The following SUGCT variants were observed in gnomAD, a reference collection of about 807,000 sequenced individuals.
SUGCT encodes succinyl-CoA:glutarate-CoA transferase.
In SUGCT, 41 loss-of-function variants were observed where a neutral mutation model predicts 55.0. That is an observed-to-expected ratio of 0.74 (90% CI 0.58 to 0.97). The LOEUF (loss-of-function observed/expected upper bound fraction) is 0.97. SUGCT is among the 50% of genes least tolerant of loss of function. SUGCT has a pLI of 0.00. For missense variants in SUGCT, 568 were observed against 547.8 expected, an observed-to-expected ratio of 1.04 and a Z score of -0.37; for synonymous variants, 187 against 200.4, an observed-to-expected ratio of 0.93 and a Z score of 0.56.
At chr7:40,759,424 A>G (rs1027886942) in intron 13 of SUGCT, among the ~76,000 whole-genome samples, 2 of 152,224 alleles carry the variant, frequency 1.3e-5, no homozygotes, top group African/African-American at 4.8e-5. Context: ...TACTTTATAT[A>G]CACCATTTGT....
intron 11 of SUGCT, among the ~76,000 whole-genome samples, chr7:40,467,635 T>C (rs1266909260): frequency 6.6e-6 from 1 of 152,240 alleles, no homozygotes; most frequent in African/African-American, 2.4e-5. Context: ...AATTTCTATA[T>C]TAGTTTTAAA....
intron 12 of SUGCT, among the ~76,000 whole-genome samples, chr7:40,621,007 AT>A (rs1799241437): frequency 6.6e-6 from 1 of 152,182 alleles, no homozygotes; most frequent in Non-Finnish European, 1.5e-5. Flanking sequence ...GATGTTTTGC[AT>A]TTTGTTGCCT....
At chr7:40,483,410 A>G (rs1791163569) in intron 11 of SUGCT, among the ~76,000 whole-genome samples, 1 of 152,156 alleles carries the variant, frequency 6.6e-6, no homozygotes, top group African/African-American at 2.4e-5. Flanking sequence ...CTTATATAGC[A>G]CTTACTTGTA....
At chr7:40,194,453 T>C (rs1392162148) in intron 5 of SUGCT, among the ~76,000 whole-genome samples, 1 of 152,114 alleles carries the variant, frequency 6.6e-6, no homozygotes, top group Admixed American at 6.6e-5. Flanking sequence ...GATTTTGCCA[T>C]GTTGCCCAGG....
chr7:40,780,769 CTTCTTCT>C (rs1468077242), intron 13 of SUGCT, among the ~76,000 whole-genome samples: 1 of 133,784 alleles, frequency 7.5e-6, no homozygotes, highest in Non-Finnish European at 1.6e-5. Flanking sequence ...CTTTCTTCTT[CTTCTTCT>C]TTTTTTTTTT....
At chr7:40,755,872 CTG>C (rs1437097349) in intron 13 of SUGCT, among the ~76,000 whole-genome samples, 4 of 152,288 alleles carry the variant, frequency 2.6e-5, no homozygotes, top group South Asian at 2.1e-4. Flanking sequence ...GTCCCCTGAT[CTG>C]TGTTTTTCAG....
the SUGCT span, among the ~76,000 whole-genome samples, chr7:41,009,088 G>C: frequency 1.3e-5 from 2 of 151,872 alleles, no homozygotes; most frequent in African/African-American, 4.8e-5. Context: ...GGTGGATCAT[G>C]CCTTAATCCC....
the SUGCT span, among the ~76,000 whole-genome samples, chr7:40,882,984 C>T: frequency 6.6e-6 from 1 of 152,204 alleles, no homozygotes; most frequent in East Asian, 1.9e-4. Context: ...GATCAGCCTG[C>T]TTTCTCCTCC....
At chr7:40,735,595 A>C (rs1787112506) in intron 12 of SUGCT, among the ~76,000 whole-genome samples, 1 of 152,190 alleles carries the variant, frequency 6.6e-6, no homozygotes, top group South Asian at 2.1e-4. Context: ...TGAGGATATT[A>C]CAAGAATCCT....
the SUGCT span, among the ~76,000 whole-genome samples, chr7:40,902,969 A>G: frequency 6.6e-6 from 1 of 152,068 alleles, no homozygotes; most frequent in Admixed American, 6.5e-5. Context: ...AAGATAAATT[A>G]TTTCCCCAAG....
intron 12 of SUGCT, among the ~76,000 whole-genome samples, chr7:40,702,464 A>G (rs1446042594): frequency 6.6e-6 from 1 of 152,198 alleles, no homozygotes; most frequent in Admixed American, 6.5e-5. Flanking sequence ...ATTACCTCTA[A>G]CAGCCACAAA....
intron 7 of SUGCT, among the ~76,000 whole-genome samples, chr7:40,256,493 A>G (rs959025068): frequency 5.3e-5 from 8 of 152,236 alleles, no homozygotes; most frequent in Non-Finnish European, 1.0e-4. Context: ...GATCAGAGAC[A>G]TTATTTGAGG....
chr7:40,283,162 T>G (rs968195483), intron 8 of SUGCT, among the ~76,000 whole-genome samples: 3 of 151,812 alleles, frequency 2.0e-5, no homozygotes, highest in Non-Finnish European at 4.4e-5. Context: ...ATCCAAAATA[T>G]ATAAGGAACC....
chr7:40,848,999 G>A (rs3801239), intron 13 of SUGCT, among the ~76,000 whole-genome samples: 28,499 of 152,056 alleles, frequency 0.19, 3,728 homozygotes, highest in East Asian at 0.69. Flanking sequence ...GGGAAATTGT[G>A]CAATAACTTA....
chr7:40,286,824 T>TTTTGTTTG (rs58407734), intron 8 of SUGCT, among the ~76,000 whole-genome samples: 1 of 151,616 alleles, frequency 6.6e-6, no homozygotes, highest in African/African-American at 2.4e-5. Context: ...ACAGGCTGTT[T>TTTTGTTTG]TTTGTTTGTT....
At chr7:40,525,793 T>A (rs1317210187) in intron 12 of SUGCT, among the ~76,000 whole-genome samples, 1 of 152,176 alleles carries the variant, frequency 6.6e-6, no homozygotes, top group East Asian at 1.9e-4. Context: ...GACACAATCA[T>A]GTTTTATATT....
chr7:40,990,478 A>C, the SUGCT span, among the ~76,000 whole-genome samples: 1 of 152,228 alleles, frequency 6.6e-6, no homozygotes, highest in East Asian at 1.9e-4. Context: ...TATCTTTAGC[A>C]TAAGTTTTAA....
At chr7:40,539,383 A>G (rs1314384577) in intron 12 of SUGCT, 1 of 152,224 alleles carries the variant, frequency 6.6e-6, no homozygotes, top group Non-Finnish European at 1.5e-5. Flanking sequence ...AAAGATGGGT[A>G]GGAATAAAAA....
chr7:40,270,563 A>G (rs761787370), intron 7 of SUGCT, among the ~76,000 whole-genome samples: 4 of 152,182 alleles, frequency 2.6e-5, no homozygotes, highest in Non-Finnish European at 4.4e-5. Flanking sequence ...TTTATTGTTT[A>G]TATGTCTGCC....
Sources: allele counts gnomAD v4.1 joint callset (sites outside exome capture counted in the v4.1 genomes callset), GRCh38; gene constraint gnomAD v4.1.1; transcripts MANE v1.5; gene names NCBI Gene and HGNC (gene_info 2026-07-23, HGNC 2026-07-21).